GAK: variants seen among roughly 807,000 people sequenced by gnomAD.
The protein encoded by GAK is cyclin-G-associated kinase.
In GAK, 79 loss-of-function variants were observed where a neutral mutation model predicts 143.9. The observed-to-expected ratio is 0.55, with a 90% confidence interval of 0.46 to 0.66. GAK has a LOEUF of 0.66. Among genes scored for constraint, GAK ranks in the 30% least tolerant of loss-of-function variants. The probability of loss-of-function intolerance (pLI) is 0.00; values close to 1 mark genes in which losing one functional copy is unlikely to be tolerated. For synonymous variants in GAK, 881 were observed against 765.5 expected, an observed-to-expected ratio of 1.15 and a Z score of -2.49; for missense variants, 1,693 against 1,779.7, an observed-to-expected ratio of 0.95 and a Z score of 0.88.
rs555870000 is a variant in GAK, at chr4:914,670, C to T, written c.146-1002G>A. 4.3e-4 allele frequency among the ~76,000 whole-genome samples: 51 copies of T among 118,496 alleles called. 1 individual carries two copies. The highest frequency in any genetic ancestry group is 1.2e-3 in the African/African-American group (37 of 29,942). 77.7% of individuals were successfully genotyped at this position (118,496 alleles called of 152,430 possible). A position where few individuals can be genotyped will look rare whatever the true frequency, so the allele number is the denominator to read the frequency against. On this transcript the variant is annotated intron_variant, in intron 1 of 27. Coordinates refer to ENST00000314167, the MANE Select transcript of GAK (RefSeq NM_005255.4). ...CACGGCCCCACACACACAGCCCCAGCGTGCACAGCCCCACCCCCAACACAC... is the reference window on the plus strand; with the variant it reads ...CACGGCCCCACACACACAGCCCCAGTGTGCACAGCCCCACCCCCAACACAC...
Position 899,549 on chromosome 4 carries a change from C to T in GAK, c.526-1391G>A, listed in dbSNP as rs1445080433. Among the ~76,000 whole-genome samples, 4 of 152,342 alleles carry T rather than the reference C, an allele frequency of 2.6e-5. No individual in the cohort carries two copies. The East Asian group carries it at 7.7e-4, about 29-fold the overall frequency. On this transcript the variant is annotated intron_variant, in intron 5 of 27. Coordinates refer to ENST00000314167, the MANE Select transcript of GAK (RefSeq NM_005255.4). ...GGAAGGCAAGTCGAGGAAAGGCAGG[C>T]ATTTTCCCAGAGGAAGCCCAAGTTC...
At chr4:921,351 C>G (rs1265724051) in intron 1 of GAK, among the ~76,000 whole-genome samples, 1 of 152,304 alleles carries the variant, frequency 6.6e-6, no homozygotes, top group East Asian at 1.9e-4. Flanking sequence ...GCCTTGGCCT[C>G]CCAAAGTGCT....
intron 10 of GAK, among the ~76,000 whole-genome samples, chr4:889,900 G>A (rs1358034275): frequency 6.6e-6 from 1 of 152,216 alleles, no homozygotes; most frequent in Admixed American, 6.5e-5. Context: ...GGGACACCCA[G>A]GCCCATCACA....
At chr4:904,378 G>A (rs998261743) in intron 5 of GAK, among the ~76,000 whole-genome samples, 4 of 149,530 alleles carry the variant, frequency 2.7e-5, no homozygotes, top group Non-Finnish European at 5.9e-5. Flanking sequence ...CTTGGCAGCC[G>A]CGTGTGGAGG....
Position 868,583 on chromosome 4 carries a change from C to A in GAK, c.2351G>T (p.Ser784Ile). 1.2e-6 allele frequency: 2 copies of A among 1,605,440 alleles called. No homozygotes were observed. Among genetic ancestry groups the A allele is most frequent in the Admixed American group, 1.7e-5 (1 of 59,216 alleles). The stretch of plus-strand genomic sequence containing the variant: ...CAGGAAGCGACTGGCGTCCGCGCTG[C>A]TGCTTGGCGGTGAGTCAGAGTCTGT... ...EPTDSDSPPSSSADASRFLHT... is the reference protein window; with the variant it reads ...EPTDSDSPPSISADASRFLHT... The change falls in exon 20 of 28, where the codon AGC (serine) becomes ATC (isoleucine). Residue 784 changes from serine (S) to isoleucine (I), a missense_variant. This residue lies in a region of GAK where 822 missense variants were observed against 788.7 expected (regional missense o/e 1.04). Transcript: ENST00000314167.
At chr4:866,296 C>T (rs1751147173) in intron 22 of GAK, 68 bp downstream of exon 22, 1 of 1,495,172 alleles carries the variant, frequency 6.7e-7, no homozygotes, top group Non-Finnish European at 9.2e-7. Context: ...AGCTCTGTTT[C>T]CCACCAGAGG....
intron 10 of GAK, 117 bp downstream of exon 10, chr4:890,415 T>C (rs1717402371): frequency 2.9e-6 from 2 of 680,938 alleles, no homozygotes; most frequent in East Asian, 2.9e-5. Context: ...CAGTCATCTC[T>C]GGTGGGAGAG....
chr4:863,593 C>G (rs1207369709), intron 23 of GAK, among the ~76,000 whole-genome samples: 1 of 152,214 alleles, frequency 6.6e-6, no homozygotes, highest in African/African-American at 2.4e-5. Flanking sequence ...GAATCAGCAC[C>G]CTGATCAGTC....
At chr4:872,001 T>C (rs1350152177) in intron 18 of GAK, among the ~76,000 whole-genome samples, 1 of 152,132 alleles carries the variant, frequency 6.6e-6, no homozygotes. Flanking sequence ...TGGCGGCCAG[T>C]TCCTGGGAAA....
intron 5 of GAK, among the ~76,000 whole-genome samples, chr4:899,484 G>A (rs1397160688): frequency 6.6e-6 from 1 of 152,214 alleles, no homozygotes; most frequent in Non-Finnish European, 1.5e-5. Context: ...AAGGTGCTCG[G>A]CATGCACGCG....
intron 5 of GAK, among the ~76,000 whole-genome samples, chr4:902,661 C>T (rs894607643): frequency 6.6e-6 from 1 of 150,628 alleles, no homozygotes; most frequent in Non-Finnish European, 1.5e-5. Flanking sequence ...AGGACGAGGC[C>T]CACCATGGGC....
intron 23 of GAK, among the ~76,000 whole-genome samples, chr4:864,586 G>A (rs1026479725): frequency 1.3e-5 from 2 of 152,184 alleles, no homozygotes; most frequent in Non-Finnish European, 2.9e-5. Flanking sequence ...AAGGACAGAC[G>A]CTCACAGACA....
At chr4:880,095 T>C (rs1429185839) in intron 15 of GAK, among the ~76,000 whole-genome samples, 2 of 140,930 alleles carry the variant, frequency 1.4e-5, no homozygotes, top group African/African-American at 2.7e-5. Flanking sequence ...AGCTCTGACA[T>C]GTGGACCACT....
At position 932,008 on chromosome 4, in the gene GAK, G is replaced by C; in HGVS notation, c.145+35C>G. Reference sequence around the variant, plus strand: ...CCCAGCGTCCCGGAGACAACACTCCGCGGCCGCACCCGCGCTGCCGACCCG... The same window carrying C: ...CCCAGCGTCCCGGAGACAACACTCCCCGGCCGCACCCGCGCTGCCGACCCG... On this transcript the variant is annotated intron_variant, in intron 1 of 27. Coordinates refer to ENST00000314167, the MANE Select transcript of GAK (RefSeq NM_005255.4). This position sits in a 1 kb window ranked among gnomAD's most constrained non-coding sequence, Gnocchi z 4.0. 4.8e-6 allele frequency: 7 copies of C among 1,463,652 alleles called. No homozygotes were observed. The highest frequency in any genetic ancestry group is 1.4e-5 in the African/African-American group (1 of 71,464). The allele number at this position is 1,463,652 out of a possible 1,614,324, so 90.7% of individuals were successfully genotyped here.
Position 866,500 on chromosome 4 carries a change from G to C in GAK, c.2907C>G (p.Gly969=), listed in dbSNP as rs1751201268. The C allele has an allele frequency of 6.2e-7, 1 of 1,613,912 alleles. No individual in the cohort carries two copies. The change falls in exon 22 of 28, where the codon GGC becomes GGG. Residue 969 remains glycine (G), a synonymous_variant. Transcript: ENST00000314167. ...GATTGGAGCAGGGCTGGGAGTTGTT[G>C]CCTGAAGACGGCAGAAGCGGGCCAA... ...DPFGPLLPSS[G]NNSQPCSNPD... is the part of the protein sequence containing the mutation.
At chr4:876,691 G>A (rs994326655) in intron 17 of GAK, 82 bp from the exon 18 acceptor site, 17 of 1,188,732 alleles carry the variant, frequency 1.4e-5, no homozygotes, top group African/African-American at 4.5e-5. Context: ...CCCAATGGGC[G>A]AGATCTGAGA....
At chr4:888,378 GGCCACCCCCGCACAGAC>G (rs1716958106) in intron 11 of GAK, 1 of 155,972 alleles carries the variant, frequency 6.4e-6, no homozygotes, top group East Asian at 1.9e-4. Flanking sequence ...CCGATGTCGG[GGCCACCCCCGCACAGAC>G]GCGCCCTTGG....
In GAK at chr4:913,596, T is replaced by C; in HGVS notation, c.207+11A>G. On this transcript the variant is annotated intron_variant, in intron 2 of 27. Transcript: ENST00000314167. Reference sequence around the variant, plus strand: ...TCAGAAATCCAGAGAAGGCGTTAAATGGTTCATTACCTTTAATGCATACTC... The same window carrying C: ...TCAGAAATCCAGAGAAGGCGTTAAACGGTTCATTACCTTTAATGCATACTC... The C allele has an allele frequency of 6.2e-7, 1 of 1,606,268 alleles. No homozygotes were observed. The highest frequency in any genetic ancestry group is 8.5e-7 in the Non-Finnish European group (1 of 1,172,926).
rs142221119 is a variant in GAK, at chr4:877,661, C to T, written c.1810G>A (p.Gly604Arg). 6.2e-7 allele frequency: 1 copy of T among 1,609,346 alleles called. No homozygotes were observed. The highest frequency in any genetic ancestry group is 1.7e-5 in the Admixed American group (1 of 59,332). The change falls in exon 16 of 28, where the codon GGG becomes AGG. Residue 604 changes from glycine (G) to arginine (R), a missense_variant. By Grantham distance (125) the Gly-to-Arg change is moderately radical. Around this residue, in one of 2 missense-constraint regions of GAK, gnomAD observed 871 missense variants for 991.0 expected, o/e 0.88. Coordinates refer to ENST00000314167, the MANE Select transcript of GAK (RefSeq NM_005255.4). Reference protein sequence around the residue: ...GCRPFCEVYVGDERVASTSQE... With the variant: ...GCRPFCEVYVRDERVASTSQE... The stretch of plus-strand genomic sequence containing the variant: ...GAGGTGCTGGCCACACGCTCGTCCC[C>T]CACGTAGACCTCGCAGAAGGGCCTG...
Sources: gnomAD v4.1 joint callset for allele counts (sites outside exome capture counted in the v4.1 genomes callset) on GRCh38, gnomAD v4.1.1 for gene constraint, gnomAD v4.1.1 regional missense constraint, Gnocchi (gnomAD v3.1) non-coding constraint, MANE v1.5 for transcripts, NCBI Gene and HGNC (gene_info 2026-07-23, HGNC 2026-07-21) for gene names.